Variants in CFAP299 observed in about 807,000 individuals in gnomAD.
The protein encoded by CFAP299 is cilia and flagella associated protein 299, also known as cilia- and flagella-associated protein 299.
Under a neutral mutation model 27.0 loss-of-function variants are expected in CFAP299, and 21 were observed. That is an observed-to-expected ratio of 0.78 (90% CI 0.55 to 1.12). The LOEUF is 1.12. Among genes scored for constraint, CFAP299 ranks in the 50% most tolerant of loss-of-function variants. CFAP299 has a pLI of 0.00. For synonymous variants in CFAP299, 104 were observed against 98.1 expected (o/e 1.06, Z -0.36); for missense variants, 310 against 276.6 (o/e 1.12, Z -0.86).
At chr4:80,386,514 G>A (rs1489512617) in intron 2 of CFAP299, 3 of 1,028,286 alleles carry the variant, frequency 2.9e-6, no homozygotes, top group African/African-American at 7.2e-5. Context: ...GGCGGTGGTG[G>A]GGGGGGGGGG....
At chr4:80,656,859 C>G (rs1294558260) in intron 3 of CFAP299, among the ~76,000 whole-genome samples, 1 of 152,132 alleles carries the variant, frequency 6.6e-6, no homozygotes, top group Non-Finnish European at 1.5e-5. Flanking sequence ...AAAACTGTTC[C>G]TATTACTCCA....
intron 5 of CFAP299, among the ~76,000 whole-genome samples, chr4:80,961,228 A>C (rs1738330581): frequency 6.6e-6 from 1 of 151,720 alleles, no homozygotes; most frequent in Non-Finnish European, 1.5e-5. Context: ...GACCTAAGTA[A>C]GTTCAAGAAA....
intron 3 of CFAP299, among the ~76,000 whole-genome samples, chr4:80,799,079 C>G (rs1434382033): frequency 7.0e-6 from 1 of 141,982 alleles, no homozygotes; most frequent in African/African-American, 2.6e-5. Flanking sequence ...AGGAACAGAA[C>G]TAATAGTGTG....
intron 3 of CFAP299, among the ~76,000 whole-genome samples, chr4:80,682,454 A>G (rs1317705602): frequency 1.3e-5 from 2 of 152,234 alleles, no homozygotes; most frequent in Non-Finnish European, 2.9e-5. Flanking sequence ...CTAGTATTCC[A>G]TCAATTCAAC....
intron 3 of CFAP299, among the ~76,000 whole-genome samples, chr4:80,749,704 G>C (rs190185382): frequency 1.3e-5 from 2 of 152,296 alleles, no homozygotes; most frequent in African/African-American, 4.8e-5. Flanking sequence ...CATCCAGCAC[G>C]GGAGAAAGAT....
At chr4:80,500,060 G>T (rs1261430407) in intron 2 of CFAP299, among the ~76,000 whole-genome samples, 4 of 151,910 alleles carry the variant, frequency 2.6e-5, no homozygotes, top group Non-Finnish European at 5.9e-5. Context: ...GGGACACTTA[G>T]CTAAAATTCT....
chr4:80,824,644 A>G (rs1249754653), intron 3 of CFAP299, among the ~76,000 whole-genome samples: 1 of 152,190 alleles, frequency 6.6e-6, no homozygotes, highest in Non-Finnish European at 1.5e-5. Flanking sequence ...AAGTCACTGC[A>G]CATGGTCAGG....
chr4:80,672,030 C>A (rs1741516297), intron 3 of CFAP299, among the ~76,000 whole-genome samples: 3 of 152,186 alleles, frequency 2.0e-5, no homozygotes, highest in African/African-American at 7.2e-5. Context: ...GCCAGAACTT[C>A]CAACATTATG....
At chr4:80,371,704 G>A (rs1724159812) in intron 2 of CFAP299, among the ~76,000 whole-genome samples, 2 of 152,332 alleles carry the variant, frequency 1.3e-5, no homozygotes, top group South Asian at 4.1e-4. Context: ...ACATAACAAA[G>A]TGATCTTTGC....
chr4:80,820,330 A>C (rs541517588), intron 3 of CFAP299, among the ~76,000 whole-genome samples: 58 of 152,310 alleles, frequency 3.8e-4, no homozygotes, highest in African/African-American at 1.2e-3. Context: ...AAGAGAGAAA[A>C]TGAAATAACA....
At chr4:80,599,301 T>G (rs1221693593) in intron 3 of CFAP299, among the ~76,000 whole-genome samples, 1 of 152,172 alleles carries the variant, frequency 6.6e-6, no homozygotes, top group Non-Finnish European at 1.5e-5. Context: ...GTTTATGAAA[T>G]TACATCCTGT....
chr4:80,465,658 C>T (rs1729664819), intron 2 of CFAP299, among the ~76,000 whole-genome samples: 1 of 151,944 alleles, frequency 6.6e-6, no homozygotes, highest in Non-Finnish European at 1.5e-5. Flanking sequence ...TACCCCATGC[C>T]CTGGAAGAGT....
intron 1 of CFAP299, among the ~76,000 whole-genome samples, chr4:80,348,671 C>T (rs1018934590): frequency 6.6e-6 from 1 of 152,160 alleles, no homozygotes; most frequent in Non-Finnish European, 1.5e-5. Context: ...AACCTGCCAA[C>T]ACCTTGCTGT....
chr4:80,391,972 A>T (rs1250475942), intron 2 of CFAP299, among the ~76,000 whole-genome samples: 1 of 152,140 alleles, frequency 6.6e-6, no homozygotes, highest in Non-Finnish European at 1.5e-5. Flanking sequence ...GTCAAAGGAG[A>T]TCATTTTGGA....
chr4:80,494,364 C>T (rs763090120), intron 2 of CFAP299, among the ~76,000 whole-genome samples: 4 of 152,214 alleles, frequency 2.6e-5, no homozygotes, highest in Non-Finnish European at 5.9e-5. Context: ...TTTTAGCTCT[C>T]CTAGATTATT....
chr4:80,747,895 C>A (rs558200164), intron 3 of CFAP299, among the ~76,000 whole-genome samples: 1 of 152,188 alleles, frequency 6.6e-6, no homozygotes, highest in South Asian at 2.1e-4. Flanking sequence ...ACTTTCAGAT[C>A]AAACATCTTT....
intron 2 of CFAP299, among the ~76,000 whole-genome samples, chr4:80,377,769 C>T (rs1724489813): frequency 6.6e-6 from 1 of 152,058 alleles, no homozygotes; most frequent in African/African-American, 2.4e-5. Flanking sequence ...ATTTATTTCT[C>T]TCACGAATGT....
At chr4:80,787,504 T>G (rs1727312637) in intron 3 of CFAP299, among the ~76,000 whole-genome samples, 1 of 151,944 alleles carries the variant, frequency 6.6e-6, no homozygotes, top group Admixed American at 6.6e-5. Context: ...GATTTCCTTA[T>G]AGTACTTCCT....
At chr4:80,390,583 ATG>A in intron 2 of CFAP299, among the ~76,000 whole-genome samples, 2 of 84,172 alleles carry the variant, frequency 2.4e-5, no homozygotes, top group Non-Finnish European at 5.4e-5. Context: ...ACACACATAT[ATG>A]TATATATGTA....
Sources: allele counts gnomAD v4.1 joint callset (sites outside exome capture counted in the v4.1 genomes callset), GRCh38; gene constraint gnomAD v4.1.1; transcripts MANE v1.5; gene names NCBI Gene and HGNC (gene_info 2026-07-23, HGNC 2026-07-21).